ANKS1A: variants seen among roughly 807,000 people sequenced by gnomAD.
ANKS1A encodes the protein ankyrin repeat and sterile alpha motif domain containing 1A, also known as ankyrin repeat and SAM domain-containing protein 1A.
ANKS1A carries 55 observed loss-of-function variants against 120.3 expected under a neutral mutation model. That is an observed-to-expected ratio of 0.46 (90% confidence interval 0.37 to 0.57). The LOEUF is 0.57. Among genes scored for constraint, ANKS1A ranks in the 20% least tolerant of loss-of-function variants. ANKS1A has a pLI of 0.00. For synonymous variants in ANKS1A, 590 were observed against 604.7 expected (o/e 0.98, Z 0.36); for missense variants, 1,123 against 1,480.3 (o/e 0.76, Z 3.96).
At chr6:34,909,480 G>A (rs572289549) in intron 1 of ANKS1A, among the ~76,000 whole-genome samples, 17 of 152,318 alleles carry the variant, frequency 1.1e-4, no homozygotes, top group South Asian at 1.0e-3. Flanking sequence ...TCATTTCTAA[G>A]TGCGTTTAAA....
Position 35,086,808 on chromosome 6 carries a change from G to T in ANKS1A, c.3304-144G>T, listed in dbSNP as rs1742279987. ...GGTGTCCCTCCTCCGCCTGCCCCCA[G>T]GGGCCTGCTCTTTGGCCGAGGAGAA... On this transcript the variant is annotated intron_variant, in intron 22 of 23. Coordinates refer to ENST00000360359, the MANE Select transcript of ANKS1A (RefSeq NM_015245.3). The surrounding 1 kb of genome is among the most constrained non-coding windows in gnomAD (Gnocchi z 5.1). The T allele has an allele frequency of 1.2e-6, 1 of 802,942 alleles. No homozygotes were observed. The highest frequency in any genetic ancestry group is 1.7e-5 in the African/African-American group (1 of 58,904). The allele number at this position is 802,942 out of a possible 1,614,324, so 49.7% of individuals were successfully genotyped here.
At position 35,088,836 on chromosome 6, in the gene ANKS1A, G is replaced by A; in HGVS notation, c.*227G>A. On this transcript the variant is annotated 3_prime_UTR_variant, in exon 24 of 24. Coordinates refer to ENST00000360359, the MANE Select transcript of ANKS1A (RefSeq NM_015245.3). ...TCCAGGCCGCTAGCAGATGGGACTG[G>A]CATTCCAGAGGGTCAAGAAGTGACT... 1 of 1,460,674 alleles carries A rather than the reference G, an allele frequency of 6.8e-7. No homozygotes were observed. Among genetic ancestry groups the A allele is most frequent in the Non-Finnish European group, 9.0e-7 (1 of 1,109,408 alleles). The allele number at this position is 1,460,674 out of a possible 1,614,324, so 90.5% of individuals were successfully genotyped here.
chr6:35,032,724 T>A (rs796625148), intron 11 of ANKS1A, among the ~76,000 whole-genome samples: 3 of 152,308 alleles, frequency 2.0e-5, no homozygotes, highest in African/African-American at 7.2e-5. Context: ...CACCCTTAAA[T>A]TTGGAATTTT....
At chr6:35,070,672 G>A (rs1777036401) in intron 13 of ANKS1A, among the ~76,000 whole-genome samples, 1 of 151,812 alleles carries the variant, frequency 6.6e-6, no homozygotes, top group Admixed American at 6.6e-5. Flanking sequence ...TTTTACTAGA[G>A]ATGGTTTTTC....
In ANKS1A at chr6:34,985,204, G is replaced by A. The variant is rs147778746; in HGVS notation, c.1135G>A (p.Gly379Arg). The A allele has an allele frequency of 8.1e-6, 13 of 1,614,076 alleles. No homozygotes were observed. Among genetic ancestry groups the A allele is most frequent in the Admixed American group, 3.3e-5 (2 of 60,008 alleles). ...CCATTCGTTGGACAGCATGGCCAGCGGGCGATCATCTGACCAAGACTCCAC... is the reference window on the plus strand; with the variant it reads ...CCATTCGTTGGACAGCATGGCCAGCAGGCGATCATCTGACCAAGACTCCAC... ...SCHSLDSMAS[G>R]RSSDQDSTNK... The change falls in exon 8 of 24, where the codon GGG becomes AGG. Residue 379 changes from glycine to arginine, a missense_variant. Physicochemically the swap from Gly to Arg is moderately radical, Grantham distance 125 (BLOSUM62 -2). Around this residue, in one of 3 missense-constraint regions of ANKS1A, gnomAD observed 904 missense variants for 1,130.4 expected, o/e 0.80. Coordinates refer to ENST00000360359, the MANE Select transcript of ANKS1A (RefSeq NM_015245.3).
At chr6:34,980,459 A>G (rs1771848206) in intron 3 of ANKS1A, among the ~76,000 whole-genome samples, 1 of 152,270 alleles carries the variant, frequency 6.6e-6, no homozygotes, top group Non-Finnish European at 1.5e-5. Context: ...GTCAAATGCC[A>G]GATCAAAAGC....
chr6:34,900,757 A>G (rs1318598740), intron 1 of ANKS1A, among the ~76,000 whole-genome samples: 2 of 152,100 alleles, frequency 1.3e-5, no homozygotes, highest in Non-Finnish European at 2.9e-5. Flanking sequence ...CTTGGTTATT[A>G]TGCAACTGGG....
At chr6:34,999,177 C>T (rs902584614) in intron 10 of ANKS1A, among the ~76,000 whole-genome samples, 6 of 152,210 alleles carry the variant, frequency 3.9e-5, no homozygotes, top group African/African-American at 7.2e-5. Flanking sequence ...GTGCCTTTAT[C>T]GGCACTTTGG....
Position 35,089,223 on chromosome 6 carries a change from A to G in ANKS1A, c.*614A>G. ...CAGGGGCTAGACACAGGCTTCTCGT[A>G]AGAACACAGCCTTAGAGGCACCTGA... On this transcript the variant is annotated 3_prime_UTR_variant, in exon 24 of 24. Transcript: ENST00000360359. 1.0e-6 allele frequency: 1 copy of G among 992,714 alleles called. No homozygotes were observed. Among genetic ancestry groups the G allele is most frequent in the Non-Finnish European group, 1.2e-6 (1 of 833,538 alleles). 61.5% of individuals were successfully genotyped at this position (992,714 alleles called of 1,614,324 possible). A position where few individuals can be genotyped will look rare whatever the true frequency, so the allele number is the denominator to read the frequency against.
intron 3 of ANKS1A, chr6:34,972,733 A>G (rs1771247254): frequency 3.2e-6 from 2 of 622,278 alleles, no homozygotes; most frequent in Non-Finnish European, 4.0e-6. Context: ...TTGTCCACTC[A>G]GGGTCCTCCT....
Position 34,889,550 on chromosome 6 carries a change from G to A in ANKS1A, c.148G>A (p.Gly50Ser), listed in dbSNP as rs1766691001. 3 of 1,269,736 alleles carry A rather than the reference G, an allele frequency of 2.4e-6. No individual in the cohort carries two copies. The highest frequency in any genetic ancestry group is 2.9e-6 in the Non-Finnish European group (3 of 1,017,636). 78.7% of individuals were successfully genotyped at this position (1,269,736 alleles called of 1,614,324 possible). The stretch of plus-strand genomic sequence containing the variant: ...GGGCGGCGGCGGCGGCAGCGGCGGC[G>A]GCGGCGGCGGCCTCGGCTCTTCCAG... ...SGGGGGGSGG[G>S]GGGLGSSSHP... The change falls in exon 1 of 24, where the codon GGC becomes AGC. Residue 50 changes from glycine (G) to serine (S), a missense_variant. By Grantham distance (56) the Gly-to-Ser change is moderately conservative. Coordinates refer to ENST00000360359, the MANE Select transcript of ANKS1A (RefSeq NM_015245.3). This position sits in a 1 kb window ranked among gnomAD's most constrained non-coding sequence, Gnocchi z 5.5.
chr6:34,909,204 G>A (rs756576941), intron 1 of ANKS1A, among the ~76,000 whole-genome samples: 10 of 152,072 alleles, frequency 6.6e-5, no homozygotes, highest in Non-Finnish European at 1.2e-4. Context: ...GTGGGAGCAG[G>A]GCAGGGTCTG....
At position 35,018,034 on chromosome 6, in the gene ANKS1A, C is replaced by T. The variant is rs1391926448; in HGVS notation, c.1985C>T (p.Pro662Leu). ...GGGAAGAAAAGGCTAGAGAAGTCAC[C>T]CTCCTTCGCCTCGGAGTGGGATGAG... ...SIGKKRLEKS[P>L]SFASEWDEIE... Residue 662 changes from proline to leucine, a missense_variant, in exon 11 of 24, where the codon CCC (proline) becomes CTC (leucine). By Grantham distance (98) the Pro-to-Leu change is moderately conservative. Around this residue, in one of 3 missense-constraint regions of ANKS1A, gnomAD observed 904 missense variants for 1,130.4 expected, o/e 0.80. Coordinates refer to ENST00000360359, the MANE Select transcript of ANKS1A (RefSeq NM_015245.3). 2.5e-6 allele frequency: 4 copies of T among 1,613,770 alleles called. No homozygotes were observed. Among genetic ancestry groups the T allele is most frequent in the Non-Finnish European group, 3.4e-6 (4 of 1,179,944 alleles).
At chr6:35,011,594 C>T (rs534903019) in intron 10 of ANKS1A, among the ~76,000 whole-genome samples, 8 of 152,278 alleles carry the variant, frequency 5.3e-5, no homozygotes, top group African/African-American at 1.9e-4. Context: ...ACAGATGGCT[C>T]CTAATCTGAA....
chr6:35,025,399 A>G (rs1774570109), intron 11 of ANKS1A, among the ~76,000 whole-genome samples: 1 of 152,008 alleles, frequency 6.6e-6, no homozygotes, highest in Non-Finnish European at 1.5e-5. Flanking sequence ...CTGGCTCTGC[A>G]ATTGACTGGT....
intron 1 of ANKS1A, among the ~76,000 whole-genome samples, chr6:34,950,337 C>T (rs1770018426): frequency 1.3e-5 from 2 of 150,278 alleles, no homozygotes; most frequent in South Asian, 4.2e-4. Context: ...AGTGATTCTC[C>T]TGCCTCAGCC....
chr6:35,080,284 G>A (rs575473083), intron 16 of ANKS1A, among the ~76,000 whole-genome samples: 81 of 152,274 alleles, frequency 5.3e-4, no homozygotes, highest in African/African-American at 1.8e-3. Context: ...ATCTGAGTTC[G>A]AATTCCCAGG....
chr6:34,900,799 A>G (rs551699703), intron 1 of ANKS1A, among the ~76,000 whole-genome samples: 1 of 152,280 alleles, frequency 6.6e-6, no homozygotes, highest in East Asian at 1.9e-4. Context: ...ATGTAACACA[A>G]AGTCCTTTGG....
At position 35,088,752 on chromosome 6, in the gene ANKS1A, C is replaced by T. The variant is rs1341862155; in HGVS notation, c.*143C>T. Reference sequence around the variant, plus strand: ...CAGGACCTCCTCTTGGCCACTTGGCCTGGGCCTGCCACCACCACGTCCTGC... The same window carrying T: ...CAGGACCTCCTCTTGGCCACTTGGCTTGGGCCTGCCACCACCACGTCCTGC... On this transcript the variant is annotated 3_prime_UTR_variant, in exon 24 of 24. Transcript: ENST00000360359. The T allele has an allele frequency of 1.4e-5, 22 of 1,576,774 alleles. No individual in the cohort carries two copies. Among genetic ancestry groups the T allele is most frequent in the Non-Finnish European group, 1.9e-5 (22 of 1,164,872 alleles).
Sources: gnomAD v4.1 joint callset for allele counts (sites outside exome capture counted in the v4.1 genomes callset) on GRCh38, gnomAD v4.1.1 for gene constraint, gnomAD v4.1.1 regional missense constraint, Gnocchi (gnomAD v3.1) non-coding constraint, MANE v1.5 for transcripts, NCBI Gene and HGNC (gene_info 2026-07-23, HGNC 2026-07-21) for gene names.